FRYL: variants seen among roughly 807,000 people sequenced by gnomAD.
FRYL encodes protein furry homolog-like.
FRYL carries 150 observed loss-of-function variants against 351.2 expected under a neutral mutation model. That is an observed-to-expected ratio of 0.43 (90% CI 0.37 to 0.49). The LOEUF is 0.49. Among genes scored for constraint, FRYL ranks in the 20% least tolerant of loss-of-function variants. The pLI is 0.00. For missense variants in FRYL, 3,036 were observed against 3,619.3 expected, an observed-to-expected ratio of 0.84 and a Z score of 4.13; for synonymous variants, 1,153 against 1,257.1, an observed-to-expected ratio of 0.92 and a Z score of 1.75.
chr4:48,770,728 C>T (rs1339656277), intron 1 of FRYL, among the ~76,000 whole-genome samples: 6 of 152,066 alleles, frequency 3.9e-5, no homozygotes, highest in Admixed American at 6.6e-5. Flanking sequence ...TGAGCCACCA[C>T]GCCCGGGTTA....
chr4:48,578,186 T>G (rs575334834), intron 23 of FRYL, among the ~76,000 whole-genome samples: 21 of 152,012 alleles, frequency 1.4e-4, no homozygotes, highest in Non-Finnish European at 2.6e-4. Flanking sequence ...AGGGGATAAT[T>G]TGGTTCCAAC....
intron 14 of FRYL, 26 bp from the exon 15 acceptor site, chr4:48,595,724 G>T: frequency 1.4e-6 from 2 of 1,479,402 alleles, no homozygotes; most frequent in Non-Finnish European, 1.9e-6. Context: ...TCTAGTCATA[G>T]TGAGATCATA....
At chr4:48,707,564 CTTTAAATAAATAA>C (rs1767501185) in intron 2 of FRYL, among the ~76,000 whole-genome samples, 1 of 151,576 alleles carries the variant, frequency 6.6e-6, no homozygotes, top group South Asian at 2.1e-4. Context: ...ATAATAAAAA[CTTTAAATAAATAA>C]GACAAAAAGT....
intron 19 of FRYL, among the ~76,000 whole-genome samples, chr4:48,585,662 A>G (rs983939472): frequency 1.3e-5 from 2 of 152,236 alleles, no homozygotes; most frequent in Non-Finnish European, 2.9e-5. Context: ...CTTTTGTACT[A>G]TAATGGCAGA....
At chr4:48,501,236 G>A (rs60799920) in intron 62 of FRYL, among the ~76,000 whole-genome samples, 350 of 152,124 alleles carry the variant, frequency 2.3e-3, no homozygotes, top group African/African-American at 8.1e-3. Flanking sequence ...TGTCACCTAT[G>A]CTGGAGTGCA....
rs557578719 is a variant in FRYL at position 48,705,676 on chromosome 4, C to G, written c.-204+4843G>C. Among the ~76,000 whole-genome samples the G allele has an allele frequency of 4.0e-5, 6 of 151,792 alleles. No individual in the cohort carries two copies. The South Asian group carries it at 1.2e-3, about 32-fold the overall frequency. Reference sequence around the variant, plus strand: ...TATAAAACAAAGTTACATTTTAGAACAGTTATTAAATATGAAAGATAATGA... The same window carrying G: ...TATAAAACAAAGTTACATTTTAGAAGAGTTATTAAATATGAAAGATAATGA... On this transcript the variant is annotated intron_variant, in intron 2 of 63. Transcript: ENST00000358350.
chr4:48,655,427 T>C (rs980493856), intron 3 of FRYL, among the ~76,000 whole-genome samples: 4 of 151,902 alleles, frequency 2.6e-5, no homozygotes, highest in African/African-American at 7.3e-5. Flanking sequence ...AAAAAGTGCA[T>C]CCCACAGCCC....
chr4:48,521,726 A>G lies in FRYL; in HGVS notation c.7522-511T>C, dbSNP rs529111227. ...AAACACCTTGAACAGGGCCGGGTGC[A>G]TCGTAGACAGTCAGTAAGTGGTAAC... is the stretch of plus-strand genomic sequence containing the variant. On this transcript the variant is annotated intron_variant, in intron 54 of 63. Coordinates refer to ENST00000358350, the MANE Select transcript of FRYL (RefSeq NM_015030.2). Among the ~76,000 whole-genome samples the G allele has an allele frequency of 3.3e-5, 5 of 152,338 alleles. No individual in the cohort carries two copies. In the East Asian group the frequency reaches 7.7e-4, roughly 23 times the overall value.
Position 48,553,400 on chromosome 4 carries a change from C to G in FRYL, c.4267-17G>C. 1 of 1,586,446 alleles carries G rather than the reference C, an allele frequency of 6.3e-7. No individual in the cohort carries two copies. The highest frequency in any genetic ancestry group is 8.6e-7 in the Non-Finnish European group (1 of 1,165,922). On this transcript the variant is annotated splice_polypyrimidine_tract_variant and intron_variant, in intron 35 of 63. Transcript: ENST00000358350. ...CTTCTTCACCTGTCACAAAAGAAAT[C>G]GTTCAGAAAAGAAAAAGCAAAGTTT...
At chr4:48,714,637 A>G (rs1325440309) in intron 1 of FRYL, among the ~76,000 whole-genome samples, 2 of 149,928 alleles carry the variant, frequency 1.3e-5, no homozygotes, top group African/African-American at 4.9e-5. Flanking sequence ...TCAATAGCTT[A>G]CCAACCAAAA....
At chr4:48,708,688 G>A (rs999437661) in intron 2 of FRYL, among the ~76,000 whole-genome samples, 2 of 152,136 alleles carry the variant, frequency 1.3e-5, no homozygotes, top group African/African-American at 4.8e-5. Flanking sequence ...AACCTCTTGG[G>A]CTCAAGTAAT....
At chr4:48,543,727 G>C (rs1730730716) in intron 44 of FRYL, 80 bp downstream of exon 44, 54 of 1,236,648 alleles carry the variant, frequency 4.4e-5, no homozygotes, top group Non-Finnish European at 6.1e-5. Flanking sequence ...TCTTGCTCTA[G>C]CTATAGCAAT....
chr4:48,632,655 G>A (rs1298687089), intron 4 of FRYL, among the ~76,000 whole-genome samples: 1 of 151,492 alleles, frequency 6.6e-6, no homozygotes, highest in African/African-American at 2.4e-5. Context: ...AGCAATCATG[G>A]GATGATTTAA....
intron 49 of FRYL, among the ~76,000 whole-genome samples, chr4:48,531,822 A>C (rs1727712622): frequency 4.6e-5 from 7 of 152,310 alleles, no homozygotes. Flanking sequence ...AAATACAGTT[A>C]AGTCTTTTTT....
chr4:48,765,842 G>T (rs1396419843), intron 1 of FRYL, among the ~76,000 whole-genome samples: 1 of 152,088 alleles, frequency 6.6e-6, no homozygotes. Flanking sequence ...TACAGAATAG[G>T]TATTTTTCCA....
At chr4:48,609,407 G>A (rs549287586) in intron 8 of FRYL, among the ~76,000 whole-genome samples, 3 of 152,194 alleles carry the variant, frequency 2.0e-5, no homozygotes, top group Non-Finnish European at 4.4e-5. Flanking sequence ...ATTGCTTGGA[G>A]CCCAGGAGTT....
At chr4:48,750,227 G>A (rs1167921894) in intron 1 of FRYL, among the ~76,000 whole-genome samples, 1 of 151,754 alleles carries the variant, frequency 6.6e-6, no homozygotes, top group Non-Finnish European at 1.5e-5. Context: ...CTGGGAGGCC[G>A]AGGCGAACAA....
chr4:48,640,315 T>C (rs1387840743), intron 3 of FRYL, among the ~76,000 whole-genome samples: 3 of 152,170 alleles, frequency 2.0e-5, no homozygotes, highest in African/African-American at 7.2e-5. Context: ...CAATGAAATA[T>C]TATTCAGTGC....
chr4:48,501,877 G>T, intron 61 of FRYL, 144 bp from the exon 62 acceptor site: 1 of 592,300 alleles, frequency 1.7e-6, no homozygotes, highest in Non-Finnish European at 3.0e-6. Context: ...TGAAAGGCAC[G>T]TGAAATATGC....
Sources: allele counts gnomAD v4.1 joint callset (sites outside exome capture counted in the v4.1 genomes callset), GRCh38; gene constraint gnomAD v4.1.1; transcripts MANE v1.5; gene names NCBI Gene and HGNC (gene_info 2026-07-23, HGNC 2026-07-21).